The following SMAD6 variants were observed in gnomAD, a reference collection of about 807,000 sequenced individuals.
The protein encoded by SMAD6 is MAD homolog 6.
SMAD6 carries 103 observed loss-of-function variants against 39.4 expected under a neutral mutation model. That is an observed-to-expected ratio of 2.62 (90% confidence interval 2.23 to 3.08). SMAD6 has a LOEUF of 3.08. Among genes scored for constraint, SMAD6 ranks in the 30% most tolerant of loss-of-function variants. The probability of loss-of-function intolerance (pLI) is 0.00; values close to 1 mark genes in which losing one functional copy is unlikely to be tolerated. For synonymous variants in SMAD6, 445 were observed against 353.3 expected (o/e 1.26, Z -2.91); for missense variants, 1,104 against 742.9 (o/e 1.49, Z -5.65).
chr15:66,715,716 C>T (rs1893315130), intron 2 of SMAD6, among the ~76,000 whole-genome samples: 1 of 146,982 alleles, frequency 6.8e-6, no homozygotes, highest in African/African-American at 2.5e-5. Context: ...AACTGCTCGG[C>T]AGACAGAAGA....
At chr15:66,777,810 C>T (rs1013224730) in intron 3 of SMAD6, among the ~76,000 whole-genome samples, 1 of 152,228 alleles carries the variant, frequency 6.6e-6, no homozygotes, top group African/African-American at 2.4e-5. Context: ...ATGTGTAACC[C>T]AGTCTGTTCA....
intron 1 of SMAD6, chr15:66,708,618 G>A (rs995858122): frequency 3.3e-5 from 14 of 426,426 alleles, no homozygotes; most frequent in Admixed American, 7.6e-5. Flanking sequence ...GCACCAAAAC[G>A]TGCTACAACA....
chr15:66,703,504 G>A lies in SMAD6; in HGVS notation c.246G>A (p.Arg82=). The change falls in exon 1 of 4, where the codon AGG becomes AGA. Residue 82 remains arginine, a synonymous_variant. Coordinates refer to ENST00000288840, the MANE Select transcript of SMAD6 (RefSeq NM_005585.5). ...VGQRGAQGAG[R]RRRAGGPPRP... is the part of the protein sequence containing the mutation. ...AGCGAGGCGCCCAGGGCGCGGGGAG[G>A]CGCCGGCGCGCAGGGGGCCCCCCGA... The A allele has an allele frequency of 8.2e-7, 1 of 1,225,310 alleles. No homozygotes were observed. Among genetic ancestry groups the A allele is most frequent in the Non-Finnish European group, 1.0e-6 (1 of 980,306 alleles). 75.9% of individuals were successfully genotyped at this position (1,225,310 alleles called of 1,614,324 possible).
intron 3 of SMAD6, among the ~76,000 whole-genome samples, chr15:66,755,070 TG>T (rs1167313965): frequency 2.0e-4 from 30 of 152,220 alleles, no homozygotes; most frequent in African/African-American, 7.0e-4. Flanking sequence ...GGTCCATATT[TG>T]TTTTTTTTCT....
intron 1 of SMAD6, chr15:66,704,356 A>C (rs1893062172): frequency 3.2e-6 from 1 of 314,620 alleles, no homozygotes; most frequent in Non-Finnish European, 5.8e-6. Context: ...GTAGGCTCCA[A>C]CTTCATAGGC....
At chr15:66,755,975 GCCT>G (rs1013854636) in intron 3 of SMAD6, among the ~76,000 whole-genome samples, 5 of 151,972 alleles carry the variant, frequency 3.3e-5, no homozygotes, top group African/African-American at 1.2e-4. Flanking sequence ...AAACAGAAAG[GCCT>G]CCTGGAGGAA....
chr15:66,756,104 C>T (rs1323193663), intron 3 of SMAD6, among the ~76,000 whole-genome samples: 1 of 151,922 alleles, frequency 6.6e-6, no homozygotes, highest in East Asian at 1.9e-4. Flanking sequence ...CCTTCTTCCC[C>T]ACACCTCCCC....
intron 3 of SMAD6, among the ~76,000 whole-genome samples, chr15:66,729,696 C>T (rs937234960): frequency 2.6e-5 from 4 of 152,224 alleles, no homozygotes; most frequent in Non-Finnish European, 5.9e-5. Context: ...TGGCCCGCCC[C>T]CTCCCTTTCT....
At chr15:66,756,385 A>G (rs1204449554) in intron 3 of SMAD6, among the ~76,000 whole-genome samples, 1 of 152,172 alleles carries the variant, frequency 6.6e-6, no homozygotes, top group East Asian at 1.9e-4. Flanking sequence ...ATTTTTGCCA[A>G]CTTGCAATTT....
At chr15:66,759,145 A>G (rs1189806777) in intron 3 of SMAD6, among the ~76,000 whole-genome samples, 1 of 152,230 alleles carries the variant, frequency 6.6e-6, no homozygotes, top group Admixed American at 6.5e-5. Context: ...TCTTTTGCTG[A>G]TTCCTTATTT....
At chr15:66,711,255 G>A (rs973401746) in intron 1 of SMAD6, among the ~76,000 whole-genome samples, 2 of 152,164 alleles carry the variant, frequency 1.3e-5, no homozygotes, top group Non-Finnish European at 2.9e-5. Context: ...GACTTTCCCT[G>A]CACTCACGTT....
intron 3 of SMAD6, among the ~76,000 whole-genome samples, chr15:66,719,839 G>C (rs145855411): frequency 1.3e-5 from 2 of 152,276 alleles, no homozygotes; most frequent in African/African-American, 4.8e-5. Flanking sequence ...CTCTACATCA[G>C]CTCCCAATTT....
chr15:66,723,020 G>A (rs1893461352), intron 3 of SMAD6, among the ~76,000 whole-genome samples: 1 of 152,170 alleles, frequency 6.6e-6, no homozygotes, highest in African/African-American at 2.4e-5. Context: ...GGGGCTCCTT[G>A]GTGCTAATGT....
At chr15:66,713,743 G>T (rs1246885367) in intron 2 of SMAD6, among the ~76,000 whole-genome samples, 4 of 152,208 alleles carry the variant, frequency 2.6e-5, no homozygotes, top group African/African-American at 9.6e-5. Flanking sequence ...ACCTTCTCAG[G>T]CTGGGTGGGC....
Position 66,703,844 on chromosome 15 carries a change from G to T in SMAD6, c.586G>T (p.Glu196Ter). 3 of 1,368,406 alleles carry T rather than the reference G, an allele frequency of 2.2e-6. No individual in the cohort carries two copies. The highest frequency in any genetic ancestry group is 9.5e-7 in the Non-Finnish European group (1 of 1,049,028). 84.8% of individuals were successfully genotyped at this position (1,368,406 alleles called of 1,614,324 possible). A position where few individuals can be genotyped will look rare whatever the true frequency, so the allele number is the denominator to read the frequency against. Residue 196 changes from glutamate to a stop codon, truncating the protein, a stop_gained, in exon 1 of 4, where the codon GAG becomes TAG. Transcript: ENST00000288840. LOFTEE classifies it high-confidence loss of function. ...RSLDTLLEAV[E>*]SRGGVPGGCV... Reference sequence around the variant, plus strand: ...GCTGGACACGCTGCTGGAGGCGGTGGAGTCCCGCGGCGGCGTGCCGGGCGG... The same window carrying T: ...GCTGGACACGCTGCTGGAGGCGGTGTAGTCCCGCGGCGGCGTGCCGGGCGG...
chr15:66,772,974 T>C (rs1467154771), intron 3 of SMAD6, among the ~76,000 whole-genome samples: 1 of 152,222 alleles, frequency 6.6e-6, no homozygotes, highest in Admixed American at 6.5e-5. Context: ...GCTGCCCTCC[T>C]GTTCCCATCA....
intron 3 of SMAD6, among the ~76,000 whole-genome samples, chr15:66,732,230 C>T (rs1476657449): frequency 2.6e-5 from 4 of 152,172 alleles, no homozygotes; most frequent in Admixed American, 6.5e-5. Context: ...CATGAGCCAC[C>T]ATGCCTGGCC....
chr15:66,726,450 A>T (rs1010652129), intron 3 of SMAD6, among the ~76,000 whole-genome samples: 1 of 152,118 alleles, frequency 6.6e-6, no homozygotes, highest in African/African-American at 2.4e-5. Flanking sequence ...TTGGGGGGCT[A>T]GGTGATGAAA....
intron 3 of SMAD6, among the ~76,000 whole-genome samples, chr15:66,750,143 G>T (rs905635089): frequency 6.6e-6 from 1 of 152,118 alleles, no homozygotes; most frequent in Non-Finnish European, 1.5e-5. Context: ...GCCCTGGAAT[G>T]GTTTGAAGTC....
Sources: allele counts gnomAD v4.1 joint callset (sites outside exome capture counted in the v4.1 genomes callset), GRCh38; gene constraint gnomAD v4.1.1; transcripts MANE v1.5; gene names NCBI Gene and HGNC (gene_info 2026-07-23, HGNC 2026-07-21).